TUSC3: variants seen among roughly 807,000 people sequenced by gnomAD.
The protein encoded by TUSC3 is tumor suppressor candidate 3.
In TUSC3, 45 loss-of-function variants were observed where a neutral mutation model predicts 44.8. The ratio of observed to expected loss-of-function variants is 1.00; its 90% CI spans 0.79 to 1.29. TUSC3 has a LOEUF of 1.29. TUSC3 is among the 50% of genes most tolerant of loss of function. The pLI, the probability that TUSC3 is intolerant of heterozygous loss-of-function variation, is 0.00. For synonymous variants in TUSC3, 212 were observed against 152.9 expected (o/e 1.39, Z -2.85); for missense variants, 519 against 437.9 (o/e 1.19, Z -1.65).
At chr8:15,847,326 T>G in the TUSC3 span, among the ~76,000 whole-genome samples, 1 of 152,214 alleles carries the variant, frequency 6.6e-6, no homozygotes, top group Admixed American at 6.6e-5. Flanking sequence ...CTTTAATTGC[T>G]TTTGGTCTCC....
At chr8:15,804,655 T>A in the TUSC3 span, among the ~76,000 whole-genome samples, 1 of 152,108 alleles carries the variant, frequency 6.6e-6, no homozygotes, top group East Asian at 1.9e-4. Context: ...TATTACTGAG[T>A]TCTTTATTCT....
intron 1 of TUSC3, among the ~76,000 whole-genome samples, chr8:15,472,473 G>T (rs1426521586): frequency 2.0e-5 from 3 of 152,178 alleles, no homozygotes; most frequent in East Asian, 1.9e-4. Context: ...TTTATCTCTG[G>T]CCGTTTCTTC....
chr8:15,578,965 A>G (rs1803218398), intron 1 of TUSC3, among the ~76,000 whole-genome samples: 1 of 152,090 alleles, frequency 6.6e-6, no homozygotes, highest in Admixed American at 6.6e-5. Context: ...TTTGGCTGGT[A>G]AGCTATTGAT....
At chr8:15,585,620 C>G (rs761930744) in intron 1 of TUSC3, among the ~76,000 whole-genome samples, 1 of 152,142 alleles carries the variant, frequency 6.6e-6, no homozygotes, top group South Asian at 2.1e-4. Flanking sequence ...CCTGTGGGCC[C>G]TTAGCCTAGA....
chr8:15,759,057 A>G (rs952129619), intron 10 of TUSC3, among the ~76,000 whole-genome samples: 2 of 152,176 alleles, frequency 1.3e-5, no homozygotes, highest in African/African-American at 4.8e-5. Flanking sequence ...ACTTCTCGCT[A>G]GCATTCTCAT....
At chr8:15,813,497 A>G in the TUSC3 span, among the ~76,000 whole-genome samples, 1 of 152,176 alleles carries the variant, frequency 6.6e-6, no homozygotes, top group African/African-American at 2.4e-5. Context: ...GCTTACTAGA[A>G]AGTACGAGGT....
chr8:15,642,909 C>A (rs960518559), intron 2 of TUSC3, among the ~76,000 whole-genome samples: 1 of 152,128 alleles, frequency 6.6e-6, no homozygotes, highest in African/African-American at 2.4e-5. Context: ...TTTGCTAATT[C>A]TTTATTATTA....
Position 15,680,747 on chromosome 8 carries a change from A to G in TUSC3, c.798+6911A>G, listed in dbSNP as rs77848631. On this transcript the variant is annotated intron_variant, in intron 6 of 10. Transcript: ENST00000503731. ...GGGTTTGTCATAGATGACTCTTACT[A>G]TTTTGAAGTATATTCCTTTGATGTG... Among the ~76,000 whole-genome samples, 922 of 152,168 alleles carry G rather than the reference A, an allele frequency of 6.1e-3. 5 individuals are homozygous for G. Among genetic ancestry groups the G allele is most frequent in the Non-Finnish European group, 0.01 (708 of 67,952 alleles).
intron 1 of TUSC3, among the ~76,000 whole-genome samples, chr8:15,434,679 C>G (rs1388197944): frequency 2.0e-5 from 3 of 151,880 alleles, no homozygotes; most frequent in African/African-American, 7.3e-5. Context: ...TATCCCTCCC[C>G]CACGACTTCC....
intron 1 of TUSC3, among the ~76,000 whole-genome samples, chr8:15,618,876 G>T (rs1805113011): frequency 6.6e-6 from 1 of 152,088 alleles, no homozygotes; most frequent in East Asian, 1.9e-4. Flanking sequence ...GTATTAGGCG[G>T]TAAGAATTTT....
intron 1 of TUSC3, among the ~76,000 whole-genome samples, chr8:15,453,789 T>C (rs962607952): frequency 3.9e-4 from 59 of 152,194 alleles, no homozygotes; most frequent in Non-Finnish European, 2.8e-4. Flanking sequence ...CAACCAGGAA[T>C]GTCAGGCGAC....
chr8:15,803,096 T>A, the TUSC3 span, among the ~76,000 whole-genome samples: 1 of 152,286 alleles, frequency 6.6e-6, no homozygotes, highest in Non-Finnish European at 1.5e-5. Flanking sequence ...AAAGTTTACC[T>A]TCATGAGGTT....
At chr8:15,471,902 G>A (rs998061841) in intron 1 of TUSC3, among the ~76,000 whole-genome samples, 9 of 152,132 alleles carry the variant, frequency 5.9e-5, no homozygotes, top group African/African-American at 2.2e-4. Context: ...ACAGGCATGA[G>A]CTGCCACACC....
Position 15,741,022 on chromosome 8 carries a change from G to T in TUSC3, c.863-2516G>T, listed in dbSNP as rs185630644. Among the ~76,000 whole-genome samples, 855 of 152,262 alleles carry T rather than the reference G, an allele frequency of 5.6e-3. 6 individuals carry two copies. Among genetic ancestry groups the T allele is most frequent in the Admixed American group, 0.011 (175 of 15,292 alleles). On this transcript the variant is annotated intron_variant, in intron 7 of 10. Coordinates refer to ENST00000503731, the MANE Select transcript of TUSC3 (RefSeq NM_006765.4). ...TTTCAACATTGTAACAATACAGAGG[G>T]AGAGTAGTAAAAATGATATGAAGAT...
At chr8:15,664,476 A>ATTG (rs1392563411) in intron 5 of TUSC3, among the ~76,000 whole-genome samples, 1 of 101,996 alleles carries the variant, frequency 9.8e-6, no homozygotes, top group Non-Finnish European at 2.0e-5. Flanking sequence ...TATTATTATT[A>ATTG]TTATTTTGCT....
chr8:15,837,373 T>C, the TUSC3 span, among the ~76,000 whole-genome samples: 1 of 152,138 alleles, frequency 6.6e-6, no homozygotes. Context: ...GGATTATGTA[T>C]TAGTTTTTAT....
intron 8 of TUSC3, among the ~76,000 whole-genome samples, chr8:15,747,852 C>CT (rs1230671801): frequency 6.6e-6 from 1 of 152,034 alleles, no homozygotes; most frequent in African/African-American, 2.4e-5. Flanking sequence ...TCTCTCCAAG[C>CT]TTTTATTCCT....
chr8:15,496,871 C>A (rs1800887207), intron 2 of TUSC3, among the ~76,000 whole-genome samples: 1 of 152,006 alleles, frequency 6.6e-6, no homozygotes, highest in South Asian at 2.1e-4. Flanking sequence ...TTAGAAGAAG[C>A]TGGTAGTAGA....
In TUSC3 at chr8:15,460,389, TG is replaced by T. The variant is rs1364913936; in HGVS notation, n.92-22996del. On this transcript the variant is annotated intron_variant and non_coding_transcript_variant, in intron 1 of 5. Coordinates refer to the TUSC3 transcript ENST00000503191. ...TAGCCCAGTTTTCTATGGGATTGCT[TG>T]TTTTTTTATCGCTGATTTAAGTTTG... 2.6e-5 allele frequency among the ~76,000 whole-genome samples: 4 copies of T among 152,090 alleles called. No individual in the cohort carries two copies. In the East Asian group the frequency reaches 7.7e-4, roughly 29 times the overall value.
Sources: allele counts gnomAD v4.1 joint callset (sites outside exome capture counted in the v4.1 genomes callset), GRCh38; gene constraint gnomAD v4.1.1; transcripts MANE v1.5; gene names NCBI Gene and HGNC (gene_info 2026-07-23, HGNC 2026-07-21).